Variants in DIP2C observed in about 807,000 individuals in gnomAD.
DIP2C encodes the protein DIP2 acetate--CoA ligase C (putative), also known as disco-interacting protein 2 homolog C.
Under a neutral mutation model 192.4 loss-of-function variants are expected in DIP2C, and 33 were observed. That is an observed-to-expected ratio of 0.17 (90% CI 0.13 to 0.23). DIP2C has a LOEUF of 0.23. Among genes scored for constraint, DIP2C ranks in the 10% least tolerant of loss-of-function variants. The pLI is 1.00. For synonymous variants in DIP2C, 979 were observed against 864.1 expected, an observed-to-expected ratio of 1.13 and a Z score of -2.33; for missense variants, 1,537 against 2,110.1, an observed-to-expected ratio of 0.73 and a Z score of 5.32.
At chr10:594,196 C>A (rs1851564276) in intron 1 of DIP2C, among the ~76,000 whole-genome samples, 1 of 152,200 alleles carries the variant, frequency 6.6e-6, no homozygotes, top group Non-Finnish European at 1.5e-5. Flanking sequence ...AGAGCACAGA[C>A]CTCGGTTAAG....
intron 1 of DIP2C, among the ~76,000 whole-genome samples, chr10:606,918 TAGGGGCCTTCCA>T (rs969108012): frequency 2.8e-4 from 42 of 152,122 alleles, no homozygotes; most frequent in African/African-American, 1.0e-3. Context: ...GGGGTCTGAA[TAGGGGCCTTCCA>T]AGCAACTAGG....
In DIP2C at chr10:658,247, T is replaced by A. The variant is rs1181325171; in HGVS notation, c.85+31247A>T. Among the ~76,000 whole-genome samples the A allele has an allele frequency of 1.4e-4, 12 of 86,774 alleles. No individual in the cohort carries two copies. In the South Asian group the frequency reaches 1.8e-3, roughly 13 times the overall value. 56.9% of individuals were successfully genotyped at this position (86,774 alleles called of 152,430 possible). On this transcript the variant is annotated intron_variant, in intron 1 of 36. Coordinates refer to ENST00000280886, the MANE Select transcript of DIP2C (RefSeq NM_014974.3). The stretch of plus-strand genomic sequence containing the variant: ...CCGCTGGACCTGCCGCTGGACCTGA[T>A]GCTGGACCTGATGCTGGACCTGCCC...
At chr10:425,642 G>T (rs1316413206) in intron 4 of DIP2C, among the ~76,000 whole-genome samples, 1 of 151,930 alleles carries the variant, frequency 6.6e-6, no homozygotes, top group Non-Finnish European at 1.5e-5. Context: ...GATACAGCAT[G>T]ACCAGTGGTG....
At chr10:549,620 G>C (rs187902063) in intron 1 of DIP2C, among the ~76,000 whole-genome samples, 2 of 152,096 alleles carry the variant, frequency 1.3e-5, no homozygotes, top group African/African-American at 4.8e-5. Context: ...CAGAGGGGAG[G>C]GGTGCCCCCG....
At chr10:448,090 C>A (rs1461324213) in intron 3 of DIP2C, among the ~76,000 whole-genome samples, 1 of 131,958 alleles carries the variant, frequency 7.6e-6, no homozygotes, top group Non-Finnish European at 1.5e-5. Context: ...CAGGATCACA[C>A]ACAGTGGGGC....
At chr10:604,375 T>C (rs942128182) in intron 1 of DIP2C, among the ~76,000 whole-genome samples, 5 of 152,202 alleles carry the variant, frequency 3.3e-5, no homozygotes, top group Non-Finnish European at 1.5e-5. Flanking sequence ...AGGAAGGCAG[T>C]TGCTCCCTGA....
At chr10:344,360 C>T (rs979915182) in intron 28 of DIP2C, among the ~76,000 whole-genome samples, 1 of 138,872 alleles carries the variant, frequency 7.2e-6, no homozygotes, top group Non-Finnish European at 1.5e-5. Flanking sequence ...AGACGGCACA[C>T]AAGGCTGCGA....
intron 1 of DIP2C, among the ~76,000 whole-genome samples, chr10:640,077 G>C (rs1169729030): frequency 6.6e-6 from 1 of 151,266 alleles, no homozygotes; most frequent in Non-Finnish European, 1.5e-5. Context: ...GTCCCTCCAC[G>C]CATCTCCACG....
At chr10:354,445 C>G (rs1041618244) in intron 24 of DIP2C, among the ~76,000 whole-genome samples, 1 of 152,210 alleles carries the variant, frequency 6.6e-6, no homozygotes, top group Non-Finnish European at 1.5e-5. Context: ...CCAAATCAGG[C>G]ACAGCTGGAA....
chr10:318,781 T>A (rs1956881215), intron 31 of DIP2C, among the ~76,000 whole-genome samples: 1 of 152,196 alleles, frequency 6.6e-6, no homozygotes, highest in Non-Finnish European at 1.5e-5. Flanking sequence ...ACCTTATTTA[T>A]TTCCTTCACC....
chr10:391,784 G>A lies in DIP2C; in HGVS notation c.1261-921C>T, dbSNP rs1963475014. 2.0e-5 allele frequency among the ~76,000 whole-genome samples: 3 copies of A among 152,226 alleles called. No homozygotes were observed. In the South Asian group the frequency reaches 6.2e-4, roughly 31 times the overall value. On this transcript the variant is annotated intron_variant, in intron 10 of 36. Transcript: ENST00000280886. Reference sequence around the variant, plus strand: ...ATTATGGACCCTACAAGGCCTGGTTGCTGTCAGTAATCAGAGGCCTGGCTG... The same window carrying A: ...ATTATGGACCCTACAAGGCCTGGTTACTGTCAGTAATCAGAGGCCTGGCTG...
rs370688837 is a variant in DIP2C at position 356,551 on chromosome 10, C to T, written c.2905-45G>A. On this transcript the variant is annotated intron_variant, in intron 23 of 36. Transcript: ENST00000280886. ...TGAGGATCAGGCTGTGCGGTTGGAT[C>T]AGGCTGTGCGGGCTGAGGTGGGGCA... is the stretch of plus-strand genomic sequence containing the variant. 1.2e-4 allele frequency: 187 copies of T among 1,568,574 alleles called. 1 individual carries two copies. The highest frequency in any genetic ancestry group is 1.5e-4 in the Non-Finnish European group (168 of 1,150,970).
intron 35 of DIP2C, 86 bp from the exon 36 acceptor site, chr10:281,409 A>C: frequency 6.7e-7 from 1 of 1,487,874 alleles, no homozygotes. Flanking sequence ...ATTAAAAACG[A>C]CCCCCAAGTG....
At chr10:593,805 C>CAA (rs1851543282) in intron 1 of DIP2C, among the ~76,000 whole-genome samples, 1 of 152,200 alleles carries the variant, frequency 6.6e-6, no homozygotes, top group South Asian at 2.1e-4. Context: ...GTAAAGTCCA[C>CAA]AAGAAAGGGA....
chr10:347,296 C>T (rs1292464470), intron 26 of DIP2C, among the ~76,000 whole-genome samples: 4 of 117,040 alleles, frequency 3.4e-5, no homozygotes, highest in Non-Finnish European at 5.1e-5. Context: ...CCCGGGAACC[C>T]CACACTCACC....
intron 2 of DIP2C, among the ~76,000 whole-genome samples, chr10:475,847 C>T (rs1177076450): frequency 1.3e-5 from 2 of 152,302 alleles, no homozygotes; most frequent in East Asian, 1.9e-4. Flanking sequence ...AGCCTGTGAC[C>T]GCACAGGGCC....
chr10:502,433 C>A (rs764803894), intron 1 of DIP2C, among the ~76,000 whole-genome samples: 3 of 152,066 alleles, frequency 2.0e-5, no homozygotes, highest in Non-Finnish European at 4.4e-5. Context: ...GCTCATAGGA[C>A]GAAAGGCTCA....
At chr10:446,601 G>C (rs535626215) in intron 3 of DIP2C, among the ~76,000 whole-genome samples, 1 of 152,318 alleles carries the variant, frequency 6.6e-6, no homozygotes, top group African/African-American at 2.4e-5. Flanking sequence ...GAGGGCCCCA[G>C]TGAGTGCCAT....
chr10:580,740 T>TC (rs143569188), intron 1 of DIP2C, among the ~76,000 whole-genome samples: 1,593 of 152,294 alleles, frequency 0.01, 30 homozygotes, highest in African/African-American at 0.036. Flanking sequence ...AATTTTTTTT[T>TC]CCAAACTGTA....
Sources: gnomAD v4.1 joint callset for allele counts (sites outside exome capture counted in the v4.1 genomes callset) on GRCh38, gnomAD v4.1.1 for gene constraint, MANE v1.5 for transcripts, NCBI Gene and HGNC (gene_info 2026-07-23, HGNC 2026-07-21) for gene names.